The following RAD21 variants were observed in gnomAD, a reference collection of about 807,000 sequenced individuals.
The protein encoded by RAD21 is RAD21 cohesin complex component, also known as double-strand-break repair protein rad21 homolog.
In RAD21, 18 loss-of-function variants were observed where a neutral mutation model predicts 71.5. That is an observed-to-expected ratio of 0.25 (90% CI 0.17 to 0.37). RAD21 has a LOEUF of 0.37. RAD21 is among the 10% of genes least tolerant of loss of function. RAD21 has a pLI of 1.00. For missense variants in RAD21, 493 were observed against 769.1 expected (o/e 0.64, Z 4.25); for synonymous variants, 248 against 254.0 (o/e 0.98, Z 0.22).
At chr8:116,862,419 CAT>C (rs1479253350) in intron 3 of RAD21, among the ~76,000 whole-genome samples, 1 of 151,976 alleles carries the variant, frequency 6.6e-6, no homozygotes, top group African/African-American at 2.4e-5. Flanking sequence ...TTATTGGTCA[CAT>C]GTTAATTTAA....
intron 3 of RAD21, among the ~76,000 whole-genome samples, 199 bp downstream of exon 3, chr8:116,862,931 A>G (rs1036400626): frequency 3.3e-5 from 5 of 152,156 alleles, no homozygotes; most frequent in Non-Finnish European, 7.4e-5. Flanking sequence ...ATTACTTCAC[A>G]GGGAGAACAG....
chr8:116,860,428 T>C (rs1295132064), intron 4 of RAD21, among the ~76,000 whole-genome samples: 2 of 152,174 alleles, frequency 1.3e-5, no homozygotes, highest in African/African-American at 2.4e-5. Context: ...AGTCAATTGA[T>C]GCAGCAAACT....
At chr8:116,865,606 G>A (rs368420190) in intron 2 of RAD21, among the ~76,000 whole-genome samples, 9 of 152,114 alleles carry the variant, frequency 5.9e-5, no homozygotes, top group African/African-American at 1.7e-4. Flanking sequence ...ACTTAAGGGC[G>A]TGAACAAACA....
In RAD21 at chr8:116,852,560, C is replaced by T. The variant is rs765264685; in HGVS notation, c.1310G>A (p.Arg437His). ...REDQQQQHQQ[R>H]DVIDEPIIEE... ...CCAACAGAACAAACCGATAACATCA[C>T]GCTGCTGATGCTGCTGTTGCTGGTC... Residue 437 changes from arginine to histidine, a missense_variant, in exon 10 of 14, where the codon CGT (arginine) becomes CAT (histidine). By Grantham distance (29) the Arg-to-His change is conservative (BLOSUM62 0). Coordinates refer to ENST00000297338, the MANE Select transcript of RAD21 (RefSeq NM_006265.3). 20 of 1,611,716 alleles carry T rather than the reference C, an allele frequency of 1.2e-5. No homozygotes were observed. In the South Asian group the frequency reaches 1.7e-4, roughly 13 times the overall value.
intron 1 of RAD21, chr8:116,874,142 C>T (rs866980400): frequency 6.9e-6 from 1 of 145,178 alleles, no homozygotes; most frequent in Non-Finnish European, 1.5e-5. Context: ...AAGGTTGCTG[C>T]TCCCGGGGCT....
intron 9 of RAD21, 132 bp from the exon 10 acceptor site, chr8:116,852,840 T>C (rs777261789): frequency 5.1e-6 from 3 of 589,234 alleles, no homozygotes; most frequent in Non-Finnish European, 7.5e-6. Flanking sequence ...TTTTATCATA[T>C]TCACATTTCA....
chr8:116,850,533 A>T, intron 12 of RAD21, 85 bp downstream of exon 12: 1 of 1,541,822 alleles, frequency 6.5e-7, no homozygotes, highest in Non-Finnish European at 8.7e-7. Flanking sequence ...GATGCTCAGC[A>T]TCAATTAAGT....
At chr8:116,857,732 T>C (rs1044705408) in intron 5 of RAD21, among the ~76,000 whole-genome samples, 4 of 152,218 alleles carry the variant, frequency 2.6e-5, no homozygotes, top group African/African-American at 9.7e-5. Context: ...TAAAATATGT[T>C]TGATAAACTC....
intron 1 of RAD21, among the ~76,000 whole-genome samples, chr8:116,873,199 C>T (rs1812870464): frequency 1.3e-5 from 2 of 152,114 alleles, no homozygotes; most frequent in South Asian, 2.1e-4. Flanking sequence ...ACTGTAAAAG[C>T]GTTTCTTAGA....
intron 7 of RAD21, 131 bp downstream of exon 7, chr8:116,856,515 C>A (rs1486863518): frequency 1.6e-6 from 2 of 1,267,074 alleles, no homozygotes; most frequent in East Asian, 2.7e-5. Flanking sequence ...AACCAGTAAT[C>A]ATAAGCACTG....
At chr8:116,854,133 T>C in intron 9 of RAD21, 112 bp downstream of exon 9, 1 of 787,928 alleles carries the variant, frequency 1.3e-6, no homozygotes, top group Non-Finnish European at 2.0e-6. Flanking sequence ...AAAAAGAAAA[T>C]GTGCCATACA....
chr8:116,866,792 A>G, intron 1 of RAD21, 31 bp from the exon 2 acceptor site: 1 of 1,432,446 alleles, frequency 7.0e-7, no homozygotes, highest in Non-Finnish European at 9.3e-7. Context: ...TAATGTAAAC[A>G]TCATCTGACA....
chr8:116,854,431 A>G lies in RAD21; in HGVS notation c.975T>C (p.Ile325=). The G allele has an allele frequency of 6.2e-7, 1 of 1,613,888 alleles. No homozygotes were observed. Among genetic ancestry groups the G allele is most frequent in the Non-Finnish European group, 8.5e-7 (1 of 1,179,908 alleles). Residue 325 remains isoleucine, a synonymous_variant, in exon 9 of 14, where the codon ATT becomes ATC. Coordinates refer to ENST00000297338, the MANE Select transcript of RAD21 (RefSeq NM_006265.3). ...ETKAKRKRKL[I]VDSVKELDSK... ...TATCCAACTCTTTGACACTGTCAAC[A>G]ATTAGCTTCCTCTTCCTCTTGGCTT...
At chr8:116,872,358 G>A (rs924873550) in intron 1 of RAD21, among the ~76,000 whole-genome samples, 1 of 152,112 alleles carries the variant, frequency 6.6e-6, no homozygotes, top group Non-Finnish European at 1.5e-5. Context: ...TCCAGGTTAA[G>A]TGCAAAAAAG....
At chr8:116,858,108 T>G (rs1051359802) in intron 5 of RAD21, among the ~76,000 whole-genome samples, 22 of 152,202 alleles carry the variant, frequency 1.4e-4, no homozygotes, top group African/African-American at 4.6e-4. Context: ...ATGTTGGGAC[T>G]CCTCGCAGAA....
At chr8:116,850,996 T>C (rs1051229985) in intron 11 of RAD21, 1 of 319,816 alleles carries the variant, frequency 3.1e-6, no homozygotes, top group African/African-American at 2.1e-5. Context: ...TCCTAAACCA[T>C]GTTTCATTTT....
intron 1 of RAD21, among the ~76,000 whole-genome samples, chr8:116,873,641 T>TC (rs1812891950): frequency 6.6e-6 from 1 of 151,952 alleles, no homozygotes; most frequent in Non-Finnish European, 1.5e-5. Context: ...ACGCTGTTTT[T>TC]TTTTTCACGC....
At chr8:116,857,050 T>C (rs540146971) in intron 6 of RAD21, among the ~76,000 whole-genome samples, 4 of 152,310 alleles carry the variant, frequency 2.6e-5, no homozygotes, top group Non-Finnish European at 4.4e-5. Flanking sequence ...TTTTAAGTAC[T>C]AATAAAATTT....
chr8:116,862,089 C>G (rs1411346142), intron 3 of RAD21, 149 bp from the exon 4 acceptor site: 1 of 559,674 alleles, frequency 1.8e-6, no homozygotes, highest in African/African-American at 1.9e-5. Flanking sequence ...AAGTACTTCT[C>G]TTTTTCCATG....
Sources: gnomAD v4.1 joint callset for allele counts (sites outside exome capture counted in the v4.1 genomes callset) on GRCh38, gnomAD v4.1.1 for gene constraint, MANE v1.5 for transcripts, NCBI Gene and HGNC (gene_info 2026-07-23, HGNC 2026-07-21) for gene names.